SLC43A3: variants seen among roughly 807,000 people sequenced by gnomAD.
The protein encoded by SLC43A3 is equilibrative nucleobase transporter 1.
A neutral mutation model predicts 53.3 loss-of-function variants in SLC43A3; 33 were observed. The ratio of observed to expected loss-of-function variants is 0.62; its 90% CI spans 0.47 to 0.83. The LOEUF (loss-of-function observed/expected upper bound fraction) is 0.83, where lower values mean the gene tolerates loss of function less well. SLC43A3 is among the 40% of genes least tolerant of loss of function. The pLI is 0.00. For synonymous variants in SLC43A3, 236 were observed against 246.2 expected, an observed-to-expected ratio of 0.96 and a Z score of 0.39; for missense variants, 530 against 610.0, an observed-to-expected ratio of 0.87 and a Z score of 1.38.
intron 6 of SLC43A3, 73 bp from the exon 7 acceptor site, chr11:57,421,137 G>A: frequency 1.5e-6 from 2 of 1,310,406 alleles, no homozygotes; most frequent in East Asian, 2.3e-5. Flanking sequence ...CCCAGCATGT[G>A]GCAGACCCTC....
At chr11:57,417,412 T>C (rs902221790) in intron 8 of SLC43A3, among the ~76,000 whole-genome samples, 4 of 152,194 alleles carry the variant, frequency 2.6e-5, no homozygotes, top group African/African-American at 9.7e-5. Flanking sequence ...GACCCAGGCA[T>C]CCCTGTCACT....
At chr11:57,409,635 G>A (rs905889536) in intron 12 of SLC43A3, among the ~76,000 whole-genome samples, 3 of 152,220 alleles carry the variant, frequency 2.0e-5, no homozygotes, top group African/African-American at 4.8e-5. Flanking sequence ...CACAAAGAAG[G>A]GAAGACACTT....
At chr11:57,420,304 T>C (rs1942927314) in intron 7 of SLC43A3, among the ~76,000 whole-genome samples, 1 of 152,198 alleles carries the variant, frequency 6.6e-6, no homozygotes, top group East Asian at 1.9e-4. Context: ...TCTTCCACTA[T>C]ATACACTCCC....
Position 57,413,739 on chromosome 11 carries a change from C to G in SLC43A3, c.1060+876G>C, listed in dbSNP as rs562643918. Among the ~76,000 whole-genome samples, 3 of 152,314 alleles carry G rather than the reference C, an allele frequency of 2.0e-5. 1 individual carries two copies. The Middle Eastern group carries it at 0.01, about 518-fold the overall frequency. On this transcript the variant is annotated intron_variant, in intron 11 of 13. Transcript: ENST00000395124. ...CAGCCTGACCCCTTCTTACCTCTCTCTCTCCAGCCACTTCCCTAAGATTCC... is the reference window on the plus strand; with the variant it reads ...CAGCCTGACCCCTTCTTACCTCTCTGTCTCCAGCCACTTCCCTAAGATTCC...
At position 57,426,210 on chromosome 11, in the gene SLC43A3, C is replaced by T. The variant is rs768970605; in HGVS notation, c.-38G>A. On this transcript the variant is annotated 5_prime_UTR_variant, in exon 3 of 14. Coordinates refer to ENST00000395124, the MANE Select transcript of SLC43A3 (RefSeq NM_199329.3). ...AGTGGATCTTCAAATCCCACTTTGT[C>T]CTCCTGGACGGATCACAGGCGCCGT... 1.9e-6 allele frequency: 3 copies of T among 1,598,986 alleles called. No homozygotes were observed. Among genetic ancestry groups the T allele is most frequent in the Non-Finnish European group, 1.7e-6 (2 of 1,169,382 alleles).
chr11:57,416,223 C>T (rs1409692538), intron 9 of SLC43A3, among the ~76,000 whole-genome samples: 3 of 152,054 alleles, frequency 2.0e-5, no homozygotes, highest in African/African-American at 4.8e-5. Flanking sequence ...TAAGAGAGGG[C>T]GGACCCAGGA....
chr11:57,427,259 C>T (rs1943233850), upstream of SLC43A3: 1 of 152,634 alleles, frequency 6.6e-6, no homozygotes, highest in Non-Finnish European at 1.5e-5. Flanking sequence ...CCCTTTTTAC[C>T]TCTCCCTCTT....
intron 2 of SLC43A3, 94 bp downstream of exon 2, chr11:57,426,494 A>G (rs1943203254): frequency 6.0e-6 from 2 of 331,464 alleles, no homozygotes; most frequent in East Asian, 1.1e-4. Context: ...ACTCCAATAC[A>G]TCATCTTAGG....
Position 57,414,626 on chromosome 11 carries a change from G to T in SLC43A3, c.1049C>A (p.Ala350Glu). The change falls in exon 11 of 14, where the codon GCA becomes GAA. Residue 350 changes from alanine to glutamate, a missense_variant. By Grantham distance (107) the Ala-to-Glu change is moderately radical. This residue lies in a region of SLC43A3 where 376 missense variants were observed against 386.7 expected (regional missense o/e 0.97). Coordinates refer to ENST00000395124, the MANE Select transcript of SLC43A3 (RefSeq NM_199329.3). ...DRLKQKYQKE[A>E]RKTGSSTLAV... is the part of the protein sequence containing the mutation. ...CCCCCGCATCTCACCTGTCTTTCTTGCTTCCTTCTGGTACTTCTGTTTAAG... is the reference window on the plus strand; with the variant it reads ...CCCCCGCATCTCACCTGTCTTTCTTTCTTCCTTCTGGTACTTCTGTTTAAG... 2 of 1,609,650 alleles carry T rather than the reference G, an allele frequency of 1.2e-6. No individual in the cohort carries two copies. The highest frequency in any genetic ancestry group is 2.2e-5 in the East Asian group (1 of 44,768).
Position 57,414,626 on chromosome 11 carries a change from G to A in SLC43A3, c.1049C>T (p.Ala350Val). The A allele has an allele frequency of 6.2e-7, 1 of 1,609,652 alleles. No individual in the cohort carries two copies. The highest frequency in any genetic ancestry group is 1.1e-5 in the South Asian group (1 of 90,988). ...DRLKQKYQKEARKTGSSTLAV... is the reference protein window; with the variant it reads ...DRLKQKYQKEVRKTGSSTLAV... Reference sequence around the variant, plus strand: ...CCCCCGCATCTCACCTGTCTTTCTTGCTTCCTTCTGGTACTTCTGTTTAAG... The same window carrying A: ...CCCCCGCATCTCACCTGTCTTTCTTACTTCCTTCTGGTACTTCTGTTTAAG... The change falls in exon 11 of 14, where the codon GCA (alanine) becomes GTA (valine). Residue 350 changes from alanine to valine, a missense_variant. By Grantham distance (64) the Ala-to-Val change is moderately conservative (BLOSUM62 0). This residue lies in a region of SLC43A3 where 376 missense variants were observed against 386.7 expected (regional missense o/e 0.97). Coordinates refer to ENST00000395124, the MANE Select transcript of SLC43A3 (RefSeq NM_199329.3).
In SLC43A3 at chr11:57,415,072, G is replaced by A; in HGVS notation, c.804C>T (p.Arg268=). The A allele has an allele frequency of 6.2e-7, 1 of 1,613,698 alleles. No individual in the cohort carries two copies. Among genetic ancestry groups the A allele is most frequent in the Non-Finnish European group, 8.5e-7 (1 of 1,179,738 alleles). The change falls in exon 10 of 14, where the codon CGC becomes CGT. Residue 268 remains arginine (R), a synonymous_variant. Coordinates refer to ENST00000395124, the MANE Select transcript of SLC43A3 (RefSeq NM_199329.3). ...GAGAGAAAGCGTAGCTCCAGAAGGA[G>A]CGGAGTTCCTGCTTCTGCCCTGCCC... ...TPGAGQKQEL[R]SFWSYAFSRR... is the part of the protein sequence containing the mutation.
intron 13 of SLC43A3, chr11:57,408,145 CT>C: frequency 2.4e-6 from 1 of 409,682 alleles, no homozygotes; most frequent in South Asian, 3.1e-5. Context: ...AAACAGAGGC[CT>C]AGCGAGCATT....
rs549893382 is a variant in SLC43A3 at position 57,422,057 on chromosome 11, G to T, written c.362-684C>A. ...AAAAAAGCTCAAGAGCTGGGCTAGGGGAACCCTTGACAAATTCTTCCTCCC... is the reference window on the plus strand; with the variant it reads ...AAAAAAGCTCAAGAGCTGGGCTAGGTGAACCCTTGACAAATTCTTCCTCCC... On this transcript the variant is annotated intron_variant, in intron 5 of 13. Coordinates refer to ENST00000395124, the MANE Select transcript of SLC43A3 (RefSeq NM_199329.3). Among the ~76,000 whole-genome samples the T allele has an allele frequency of 3.5e-4, 54 of 152,308 alleles. 1 individual carries two copies. The South Asian group carries it at 0.011, about 30-fold the overall frequency.
chr11:57,420,993 C>T lies in SLC43A3; in HGVS notation c.510G>A (p.Ser170=), dbSNP rs371247709. Residue 170 remains serine, a synonymous_variant, in exon 7 of 14, where the codon TCG becomes TCA. Transcript: ENST00000395124. The part of the protein sequence containing the change: ...TLYNGAFDSS[S]AVFLIIKLLY... ...TTACCTTAATAATAAGGAAGACTGCCGAGGAAGAGTCAAATGCTCCATTGT... is the reference window on the plus strand; with the variant it reads ...TTACCTTAATAATAAGGAAGACTGCTGAGGAAGAGTCAAATGCTCCATTGT... 66 of 1,612,702 alleles carry T rather than the reference C, an allele frequency of 4.1e-5. No homozygotes were observed. Among genetic ancestry groups the T allele is most frequent in the Non-Finnish European group, 4.1e-5 (48 of 1,178,878 alleles).
intron 5 of SLC43A3, 145 bp from the exon 6 acceptor site, chr11:57,421,518 G>T: frequency 1.6e-6 from 1 of 625,478 alleles, no homozygotes; most frequent in Non-Finnish European, 2.8e-6. Flanking sequence ...TCCTTCAAGG[G>T]TTTTTAGGAT....
chr11:57,410,229 G>A, intron 11 of SLC43A3, 108 bp from the exon 12 acceptor site: 1 of 866,674 alleles, frequency 1.2e-6, no homozygotes, highest in Admixed American at 3.0e-5. Flanking sequence ...TCCATCCACT[G>A]TCCCAACAGA....
At chr11:57,425,430 G>A (rs1005855592) in intron 4 of SLC43A3, 111 bp downstream of exon 4, 2 of 1,140,304 alleles carry the variant, frequency 1.8e-6, no homozygotes, top group Non-Finnish European at 2.6e-6. Context: ...TGCAGGTGTG[G>A]TGCCTGGCAG....
intron 9 of SLC43A3, among the ~76,000 whole-genome samples, chr11:57,415,839 T>C (rs1389917830): frequency 6.6e-6 from 1 of 152,254 alleles, no homozygotes; most frequent in Non-Finnish European, 1.5e-5. Context: ...AATTTTATTC[T>C]GTATATTTAA....
chr11:57,426,219 C>G lies in SLC43A3; in HGVS notation c.-47G>C, dbSNP rs761535762. The G allele has an allele frequency of 1.3e-6, 2 of 1,585,734 alleles. No individual in the cohort carries two copies. Among genetic ancestry groups the G allele is most frequent in the Admixed American group, 1.7e-5 (1 of 58,844 alleles). ...TCAAATCCCACTTTGTCCTCCTGGA[C>G]GGATCACAGGCGCCGTAAGCCTGGC... On this transcript the variant is annotated 5_prime_UTR_variant, in exon 3 of 14. Transcript: ENST00000395124.
Sources: gnomAD v4.1 joint callset for allele counts (sites outside exome capture counted in the v4.1 genomes callset) on GRCh38, gnomAD v4.1.1 for gene constraint, gnomAD v4.1.1 regional missense constraint, MANE v1.5 for transcripts, NCBI Gene and HGNC (gene_info 2026-07-23, HGNC 2026-07-21) for gene names.